Variants in UBE4B observed in about 807,000 individuals in gnomAD.
UBE4B encodes the protein ubiquitination factor E4B, also known as ubiquitin conjugation factor E4 B.
A neutral mutation model predicts 148.1 loss-of-function variants in UBE4B; 27 were observed. The observed-to-expected ratio is 0.18, with a 90% CI of 0.13 to 0.25. The LOEUF is 0.25. UBE4B is among the 10% of genes least tolerant of loss of function. The pLI is 1.00. For synonymous variants in UBE4B, 596 were observed against 619.3 expected (o/e 0.96, Z 0.56); for missense variants, 1,170 against 1,662.4 (o/e 0.70, Z 5.15).
At chr1:10,062,957 A>AG (rs1290356262) in intron 1 of UBE4B, among the ~76,000 whole-genome samples, 8 of 139,146 alleles carry the variant, frequency 5.7e-5, no homozygotes, top group Admixed American at 7.1e-5. Context: ...ACTCCGTCTC[A>AG]AAAAAAAAAA....
At chr1:10,097,340 A>C (rs1644945007) in intron 3 of UBE4B, among the ~76,000 whole-genome samples, 1 of 152,138 alleles carries the variant, frequency 6.6e-6, no homozygotes, top group South Asian at 2.1e-4. Context: ...GCAGATGTTC[A>C]GCTTTAAAAA....
At chr1:10,052,108 C>A (rs1644059257) in intron 1 of UBE4B, among the ~76,000 whole-genome samples, 1 of 151,578 alleles carries the variant, frequency 6.6e-6, no homozygotes, top group Admixed American at 6.6e-5. Flanking sequence ...GCTCTGTCAC[C>A]CAGGCTGGAG....
chr1:10,163,097 C>T (rs1341620872), intron 23 of UBE4B, among the ~76,000 whole-genome samples: 1 of 151,636 alleles, frequency 6.6e-6, no homozygotes, highest in Non-Finnish European at 1.5e-5. Flanking sequence ...GTTGATCTGT[C>T]GCCTTGGCTG....
chr1:10,179,347 C>T (rs931106236), intron 26 of UBE4B, 69 bp from the exon 27 acceptor site: 22 of 1,570,894 alleles, frequency 1.4e-5, no homozygotes, highest in East Asian at 6.8e-5. Flanking sequence ...GCTGGTAGAA[C>T]GGGCTTTGTT....
At chr1:10,115,059 A>G (rs1185106720) in intron 7 of UBE4B, among the ~76,000 whole-genome samples, 1 of 151,296 alleles carries the variant, frequency 6.6e-6, no homozygotes, top group Non-Finnish European at 1.5e-5. Flanking sequence ...TGTCAGGCCT[A>G]TGTTATAGGT....
At chr1:10,081,052 T>A (rs1644671395) in intron 2 of UBE4B, among the ~76,000 whole-genome samples, 1 of 152,188 alleles carries the variant, frequency 6.6e-6, no homozygotes, top group South Asian at 2.1e-4. Context: ...TTCTACTTTT[T>A]AAAAACAACA....
chr1:10,166,968 CACAAA>C (rs1405086668), intron 23 of UBE4B, among the ~76,000 whole-genome samples: 1 of 133,404 alleles, frequency 7.5e-6, no homozygotes, highest in African/African-American at 3.2e-5. Flanking sequence ...CACACACACA[CACAAA>C]AAAAAAAAAT....
intron 2 of UBE4B, among the ~76,000 whole-genome samples, chr1:10,082,606 C>T (rs1481965673): frequency 6.7e-6 from 1 of 148,880 alleles, no homozygotes; most frequent in Non-Finnish European, 1.5e-5. Flanking sequence ...TGTACATAAT[C>T]ACTGTAGGTC....
chr1:10,136,701 C>T (rs1245302315), intron 16 of UBE4B, among the ~76,000 whole-genome samples: 1 of 151,974 alleles, frequency 6.6e-6, no homozygotes, highest in Non-Finnish European at 1.5e-5. Context: ...GGGTAGATTG[C>T]CTGAGGTCAG....
intron 3 of UBE4B, 120 bp from the exon 4 acceptor site, chr1:10,100,988 C>G: frequency 1.3e-6 from 1 of 768,372 alleles, no homozygotes; most frequent in Non-Finnish European, 2.1e-6. Context: ...AAAGATGGAC[C>G]ATTATCATTT....
chr1:10,080,843 G>A (rs955613957), intron 2 of UBE4B, among the ~76,000 whole-genome samples: 5 of 152,110 alleles, frequency 3.3e-5, no homozygotes, highest in Non-Finnish European at 7.4e-5. Context: ...TCACTCATAC[G>A]TGGGAGCTTA....
intron 17 of UBE4B, among the ~76,000 whole-genome samples, chr1:10,138,681 A>G (rs1645736415): frequency 6.6e-6 from 1 of 152,126 alleles, no homozygotes; most frequent in Non-Finnish European, 1.5e-5. Context: ...TTTTAGTACA[A>G]TGTTGAATAG....
chr1:10,164,272 C>T (rs1241985878), intron 23 of UBE4B, among the ~76,000 whole-genome samples: 1 of 151,834 alleles, frequency 6.6e-6, no homozygotes, highest in Non-Finnish European at 1.5e-5. Context: ...ACCCAGGAGG[C>T]AGAGGTTGCA....
intron 17 of UBE4B, 93 bp downstream of exon 17, chr1:10,137,298 T>C: frequency 6.5e-7 from 1 of 1,527,622 alleles, no homozygotes; most frequent in African/African-American, 1.4e-5. Context: ...TTTTGAATGT[T>C]GGGGGAGGTA....
At position 10,168,905 on chromosome 1, in the gene UBE4B, AAAG is replaced by A. The variant is rs1176711600; in HGVS notation, c.3333+644_3333+646del. Among the ~76,000 whole-genome samples the A allele has an allele frequency of 4.9e-4, 75 of 151,536 alleles. No homozygotes were observed. The highest frequency in any genetic ancestry group is 3.7e-3 in the East Asian group (19 of 5,174). ...AGACTCCATCTCAAAAAAAAAAAAAAAAGAAGAAGAAAAAGCATAAGGTAACAG... is the reference window on the plus strand; with the variant it reads ...AGACTCCATCTCAAAAAAAAAAAAAAAAGAAGAAAAAGCATAAGGTAACAG... On this transcript the variant is annotated intron_variant, in intron 24 of 27. Coordinates refer to ENST00000343090, the MANE Select transcript of UBE4B (RefSeq NM_001105562.3). The surrounding 1 kb of genome is among the most constrained non-coding windows in gnomAD (Gnocchi z 4.9).
At chr1:10,043,926 C>G (rs750038320) in intron 1 of UBE4B, among the ~76,000 whole-genome samples, 6 of 152,174 alleles carry the variant, frequency 3.9e-5, no homozygotes, top group Non-Finnish European at 7.3e-5. Flanking sequence ...GCAATGAAAG[C>G]AAGTGTTACT....
intron 24 of UBE4B, 91 bp from the exon 25 acceptor site, chr1:10,171,047 C>T: frequency 1.5e-6 from 2 of 1,363,092 alleles, no homozygotes; most frequent in South Asian, 1.4e-5. Context: ...TTAATCCAAC[C>T]AATTCCTGTT....
intron 7 of UBE4B, among the ~76,000 whole-genome samples, chr1:10,111,071 A>T (rs1570910470): frequency 6.7e-6 from 1 of 150,148 alleles, no homozygotes; most frequent in Admixed American, 6.7e-5. Flanking sequence ...ACACACACAC[A>T]CACACACACA....
chr1:10,136,261 C>T (rs1049055702), intron 16 of UBE4B, among the ~76,000 whole-genome samples: 27 of 151,756 alleles, frequency 1.8e-4, no homozygotes, highest in African/African-American at 6.5e-4. Context: ...GAGCTTGAGC[C>T]CAGGAGTTCA....
Sources: allele counts gnomAD v4.1 joint callset (sites outside exome capture counted in the v4.1 genomes callset), GRCh38; gene constraint gnomAD v4.1.1; non-coding constraint Gnocchi (gnomAD v3.1); transcripts MANE v1.5; gene names NCBI Gene and HGNC (gene_info 2026-07-23, HGNC 2026-07-21).